The following GPR176 variants were observed in gnomAD, a reference collection of about 807,000 sequenced individuals.
The protein encoded by GPR176 is G-protein coupled receptor 176.
Under a neutral mutation model 35.4 loss-of-function variants are expected in GPR176, and 26 were observed. The ratio of observed to expected loss-of-function variants is 0.74; its 90% CI spans 0.54 to 1.02. GPR176 has a LOEUF of 1.02. GPR176 is among the 50% of genes least tolerant of loss of function. The pLI is 0.00. For missense variants in GPR176, 597 were observed against 665.3 expected (o/e 0.90, Z 1.13); for synonymous variants, 278 against 271.3 (o/e 1.02, Z -0.24).
intron 1 of GPR176, among the ~76,000 whole-genome samples, chr15:39,874,322 T>TGCTGA (rs766753048): frequency 5.9e-5 from 9 of 152,244 alleles, no homozygotes; most frequent in Non-Finnish European, 1.2e-4. Context: ...ATGGATGATC[T>TGCTGA]GCTGATGGGA....
chr15:39,829,128 G>C, intron 1 of GPR176: 1 of 1,444,752 alleles, frequency 6.9e-7, no homozygotes, highest in Non-Finnish European at 9.4e-7. Context: ...TCAGACAGAA[G>C]CAGTTGAACT....
At chr15:39,804,793 T>C (rs1899091857) in intron 2 of GPR176, among the ~76,000 whole-genome samples, 1 of 152,214 alleles carries the variant, frequency 6.6e-6, no homozygotes, top group Admixed American at 6.5e-5. Context: ...ATACATTCTA[T>C]AACATGAACT....
intron 1 of GPR176, among the ~76,000 whole-genome samples, chr15:39,810,551 G>A (rs1468111111): frequency 6.6e-6 from 1 of 152,220 alleles, no homozygotes; most frequent in East Asian, 1.9e-4. Flanking sequence ...GGGAAATCGT[G>A]TGCATCTGAG....
intron 1 of GPR176, among the ~76,000 whole-genome samples, chr15:39,888,102 A>G (rs1289594776): frequency 6.6e-6 from 1 of 152,144 alleles, no homozygotes; most frequent in Non-Finnish European, 1.5e-5. Context: ...TTCTGCAGTC[A>G]TTTATCTAAA....
At chr15:39,829,230 C>G in intron 1 of GPR176, 3 of 1,491,980 alleles carry the variant, frequency 2.0e-6, no homozygotes, top group Non-Finnish European at 2.7e-6. Context: ...GAACAAAGAC[C>G]AAAGATGTGT....
chr15:39,919,916 C>A lies in GPR176; in HGVS notation c.111G>T (p.Ala37=). The part of the protein sequence containing the change: ...NRSALGEFGE[A]QLYRQFTTTV... ...TGGTGGTGAACTGGCGGTACAGCTG[C>A]GCCTCGCCGAACTCCCCGAGCGCGC... Residue 37 remains alanine, a synonymous_variant, in exon 1 of 3, where the codon GCG becomes GCT. Transcript: ENST00000561100. 1 of 1,526,516 alleles carries A rather than the reference C, an allele frequency of 6.6e-7. No individual in the cohort carries two copies. Among genetic ancestry groups the A allele is most frequent in the African/African-American group, 1.4e-5 (1 of 70,090 alleles). 94.6% of individuals were successfully genotyped at this position (1,526,516 alleles called of 1,614,324 possible).
intron 1 of GPR176, among the ~76,000 whole-genome samples, chr15:39,860,001 A>C (rs937710657): frequency 6.6e-6 from 1 of 152,198 alleles, no homozygotes; most frequent in Non-Finnish European, 1.5e-5. Context: ...ATCAAAAAAA[A>C]AAAAGCCATT....
chr15:39,855,224 C>T (rs1249765181), intron 1 of GPR176, among the ~76,000 whole-genome samples: 1 of 152,142 alleles, frequency 6.6e-6, no homozygotes, highest in Non-Finnish European at 1.5e-5. Context: ...ATTACAATGA[C>T]AAAGTACATC....
chr15:39,807,531 A>C (rs1000114345), intron 1 of GPR176: 248 of 1,510,750 alleles, frequency 1.6e-4, no homozygotes, highest in Admixed American at 3.4e-4. Context: ...ACGATGGCTT[A>C]GTCTCATCAG....
chr15:39,849,282 C>T (rs928312260), intron 1 of GPR176, among the ~76,000 whole-genome samples: 2 of 152,152 alleles, frequency 1.3e-5, no homozygotes, highest in Admixed American at 6.5e-5. Flanking sequence ...ACTATTAAGA[C>T]AATTTAATAT....
chr15:39,833,377 T>A (rs1362357591), intron 1 of GPR176, among the ~76,000 whole-genome samples: 1 of 152,126 alleles, frequency 6.6e-6, no homozygotes, highest in Non-Finnish European at 1.5e-5. Flanking sequence ...AAAAACATCA[T>A]GCTAAATAAA....
At chr15:39,836,402 C>T (rs906024280) in intron 1 of GPR176, among the ~76,000 whole-genome samples, 1 of 152,114 alleles carries the variant, frequency 6.6e-6, no homozygotes, top group Non-Finnish European at 1.5e-5. Flanking sequence ...CTCCTGCTTC[C>T]TCTCTCACCA....
chr15:39,824,525 T>C (rs1319589377), intron 1 of GPR176, among the ~76,000 whole-genome samples: 1 of 152,234 alleles, frequency 6.6e-6, no homozygotes, highest in African/African-American at 2.4e-5. Flanking sequence ...GTAGCAATTA[T>C]TATATTGAGG....
chr15:39,819,118 A>G (rs1900103301), intron 1 of GPR176, among the ~76,000 whole-genome samples: 1 of 152,148 alleles, frequency 6.6e-6, no homozygotes, highest in South Asian at 2.1e-4. Flanking sequence ...AAGAAGGAAA[A>G]GTTTTACCTA....
intron 1 of GPR176, among the ~76,000 whole-genome samples, chr15:39,866,229 T>A (rs1210708863): frequency 6.6e-6 from 1 of 152,098 alleles, no homozygotes; most frequent in African/African-American, 2.4e-5. Flanking sequence ...AAAGTGGATA[T>A]CTATAAGGGG....
At chr15:39,860,171 A>G (rs988178476) in intron 1 of GPR176, among the ~76,000 whole-genome samples, 2 of 152,244 alleles carry the variant, frequency 1.3e-5, no homozygotes, top group African/African-American at 4.8e-5. Flanking sequence ...GTGTGAATAC[A>G]TGCTTTTCAT....
intron 1 of GPR176, among the ~76,000 whole-genome samples, chr15:39,890,351 A>C (rs774713906): frequency 2.3e-4 from 35 of 152,252 alleles, no homozygotes; most frequent in Admixed American, 1.6e-3. Flanking sequence ...GATTGCACTG[A>C]AAACTGAAGG....
chr15:39,835,211 G>C (rs1901321952), intron 1 of GPR176, among the ~76,000 whole-genome samples: 1 of 151,658 alleles, frequency 6.6e-6, no homozygotes, highest in Non-Finnish European at 1.5e-5. Context: ...GTAGAGATGG[G>C]GTTTCTCCAT....
chr15:39,832,210 G>T (rs1901133335), intron 1 of GPR176, among the ~76,000 whole-genome samples: 1 of 152,124 alleles, frequency 6.6e-6, no homozygotes, highest in Non-Finnish European at 1.5e-5. Flanking sequence ...CAAAAAGACA[G>T]ATAATAACAA....
Sources: gnomAD v4.1 joint callset for allele counts (sites outside exome capture counted in the v4.1 genomes callset) on GRCh38, gnomAD v4.1.1 for gene constraint, MANE v1.5 for transcripts, NCBI Gene and HGNC (gene_info 2026-07-23, HGNC 2026-07-21) for gene names.